The following GASK1B variants were observed in gnomAD, a reference collection of about 807,000 sequenced individuals.
GASK1B encodes golgi associated kinase 1B, also known as Golgi-associated kinase 1B.
Under a neutral mutation model 42.8 loss-of-function variants are expected in GASK1B, and 34 were observed. The observed-to-expected ratio is 0.79, with a 90% CI of 0.60 to 1.06. GASK1B has a LOEUF of 1.06. Ranked by LOEUF, GASK1B falls within the 50% of genes least tolerant of loss-of-function variation. The pLI is 0.00. For missense variants in GASK1B, 686 were observed against 661.0 expected, an observed-to-expected ratio of 1.04 and a Z score of -0.42; for synonymous variants, 262 against 259.1, an observed-to-expected ratio of 1.01 and a Z score of -0.11.
At chr4:158,169,129 C>T (rs973382460) in intron 2 of GASK1B, 5 of 152,070 alleles carry the variant, frequency 3.3e-5, no homozygotes, top group African/African-American at 4.8e-5. Flanking sequence ...AATAATAGTC[C>T]CCACTTCATA....
chr4:158,138,128 G>A (rs544877524), intron 3 of GASK1B, among the ~76,000 whole-genome samples: 5 of 152,224 alleles, frequency 3.3e-5, no homozygotes, highest in African/African-American at 4.8e-5. Flanking sequence ...CATTTGGATC[G>A]ATTTCTATAG....
At chr4:158,142,220 A>G (rs1000373475) in intron 3 of GASK1B, among the ~76,000 whole-genome samples, 2 of 151,948 alleles carry the variant, frequency 1.3e-5, no homozygotes, top group Non-Finnish European at 2.9e-5. Context: ...CTGGGATTAC[A>G]GGCGTGAGCC....
intron 3 of GASK1B, among the ~76,000 whole-genome samples, chr4:158,132,097 AC>A (rs1730706568): frequency 6.6e-6 from 1 of 152,192 alleles, no homozygotes; most frequent in African/African-American, 2.4e-5. Flanking sequence ...ACATTAAGTA[AC>A]CTGCCCTGGG....
At chr4:158,153,262 A>G (rs1193982967) in intron 3 of GASK1B, among the ~76,000 whole-genome samples, 1 of 152,138 alleles carries the variant, frequency 6.6e-6, no homozygotes. Context: ...GCTGCAAAAA[A>G]TAAAATAAAA....
chr4:158,131,971 C>T (rs1337313583), intron 3 of GASK1B, among the ~76,000 whole-genome samples: 6 of 152,176 alleles, frequency 3.9e-5, no homozygotes, highest in African/African-American at 1.4e-4. Flanking sequence ...ATGAAAACTA[C>T]TGTTACTCTT....
Position 158,171,476 on chromosome 4 carries a change from G to T in GASK1B, c.-101C>A. The T allele has an allele frequency of 2.2e-6, 3 of 1,334,574 alleles. No homozygotes were observed. The highest frequency in any genetic ancestry group is 3.0e-6 in the Non-Finnish European group (3 of 1,000,062). 82.7% of individuals were successfully genotyped at this position (1,334,574 alleles called of 1,614,324 possible). On this transcript the variant is annotated 5_prime_UTR_variant, in exon 2 of 5. Transcript: ENST00000585682. The stretch of plus-strand genomic sequence containing the variant: ...TGACTTCAGCTGCCGCGTCCGCTTC[G>T]GGATATAAGTGGTCTCCAGTGGGCA...
intron 3 of GASK1B, among the ~76,000 whole-genome samples, chr4:158,147,612 A>C (rs1392531011): frequency 2.0e-4 from 2 of 9,974 alleles, no homozygotes. Context: ...CTCTGTCCCA[A>C]AAAAAAAAAA....
chr4:158,160,916 A>T (rs979897431), intron 2 of GASK1B, among the ~76,000 whole-genome samples: 3 of 152,162 alleles, frequency 2.0e-5, no homozygotes, highest in Admixed American at 2.0e-4. Flanking sequence ...AGTTGAGCTC[A>T]AAAGTAGAGA....
In GASK1B at chr4:158,127,509, T is replaced by A. The variant is rs376536173; in HGVS notation, c.1458A>T (p.Arg486Ser). 6.2e-7 allele frequency: 1 copy of A among 1,613,718 alleles called. No homozygotes were observed. The highest frequency in any genetic ancestry group is 1.3e-5 in the African/African-American group (1 of 74,916). Residue 486 changes from arginine to serine, a missense_variant, in exon 5 of 5, where the codon AGA becomes AGT. Transcript: ENST00000585682. The stretch of plus-strand genomic sequence containing the variant: ...CATCGATAAGCTTTTCAATTCCTTG[T>A]CTACCTCCTTGACTTTCCCAATACA... ...DKVYWESQGG[R>S]QGIEKLIDVI...
chr4:158,150,657 T>C (rs1731522441), intron 3 of GASK1B, among the ~76,000 whole-genome samples: 2 of 152,202 alleles, frequency 1.3e-5, no homozygotes, highest in South Asian at 4.1e-4. Flanking sequence ...TGAGCTTCAG[T>C]CCTACCTATA....
chr4:158,126,597 T>C lies in GASK1B; in HGVS notation c.*810A>G, dbSNP rs141338366. ...AACAAAATTTTTAAAGAGACATCCATTTTAAAATGATACTCTGTAAGTACA... is the reference window on the plus strand; with the variant it reads ...AACAAAATTTTTAAAGAGACATCCACTTTAAAATGATACTCTGTAAGTACA... On this transcript the variant is annotated 3_prime_UTR_variant, in exon 5 of 5. Transcript: ENST00000585682. 7.5e-4 allele frequency: 114 copies of C among 152,216 alleles called. No individual in the cohort carries two copies. Among genetic ancestry groups the C allele is most frequent in the African/African-American group, 2.5e-3 (104 of 41,562 alleles). The allele number at this position is 152,216 out of a possible 1,614,324, so 9.4% of individuals were successfully genotyped here.
In GASK1B at chr4:158,167,494, A is replaced by G. The variant is rs1476626227; in HGVS notation, c.910+2972T>C. 9.2e-5 allele frequency among the ~76,000 whole-genome samples: 14 copies of G among 152,286 alleles called. No individual in the cohort carries two copies. In the South Asian group the frequency reaches 2.1e-3, roughly 23 times the overall value. Reference sequence around the variant, plus strand: ...ACTAAAAATGTTATTACACGTCCTAAGTATTAGAAGCTGGTGGCTTCCAGT... The same window carrying G: ...ACTAAAAATGTTATTACACGTCCTAGGTATTAGAAGCTGGTGGCTTCCAGT... On this transcript the variant is annotated intron_variant, in intron 2 of 4. Transcript: ENST00000585682.
At position 158,144,665 on chromosome 4, in the gene GASK1B, C is replaced by G. The variant is rs1185014436; in HGVS notation, c.1125+10946G>C. Among the ~76,000 whole-genome samples the G allele has an allele frequency of 3.9e-5, 6 of 152,162 alleles. 1 individual carries two copies. The highest frequency in any genetic ancestry group is 3.9e-4 in the Admixed American group (6 of 15,284). On this transcript the variant is annotated intron_variant, in intron 3 of 4. Coordinates refer to ENST00000585682, the MANE Select transcript of GASK1B (RefSeq NM_001128424.2). The stretch of plus-strand genomic sequence containing the variant: ...AGAAATACATTGTTCTCAAAACCCT[C>G]TGATTCTTGACAGTTTTTGCTTCCT...
At chr4:158,136,805 CAGAG>C (rs765824601) in intron 3 of GASK1B, among the ~76,000 whole-genome samples, 22 of 152,104 alleles carry the variant, frequency 1.4e-4, no homozygotes, top group South Asian at 2.1e-4. Context: ...GAATGCATAT[CAGAG>C]AGAAAGTATA....
chr4:158,139,629 T>G (rs1361014068), intron 3 of GASK1B, among the ~76,000 whole-genome samples: 2 of 152,176 alleles, frequency 1.3e-5, no homozygotes, highest in Non-Finnish European at 2.9e-5. Flanking sequence ...TTGTGGTTAT[T>G]TACCATATTA....
chr4:158,135,950 C>T (rs1730874030), intron 3 of GASK1B, among the ~76,000 whole-genome samples: 1 of 151,930 alleles, frequency 6.6e-6, no homozygotes, highest in Non-Finnish European at 1.5e-5. Flanking sequence ...TCTATGTAGA[C>T]TATTGTTTTG....
chr4:158,135,211 C>T (rs1027952201), intron 3 of GASK1B, among the ~76,000 whole-genome samples: 8 of 150,462 alleles, frequency 5.3e-5, no homozygotes, highest in African/African-American at 2.0e-4. Context: ...ATCCCAGCTA[C>T]TCAGGAGGCT....
intron 4 of GASK1B, among the ~76,000 whole-genome samples, chr4:158,128,758 G>A (rs1369639046): frequency 6.6e-6 from 1 of 152,178 alleles, no homozygotes; most frequent in Non-Finnish European, 1.5e-5. Context: ...CCACGGCGCC[G>A]GACTTGCTTA....
intron 2 of GASK1B, among the ~76,000 whole-genome samples, chr4:158,160,781 A>T (rs1731945208): frequency 6.6e-6 from 1 of 152,172 alleles, no homozygotes; most frequent in Non-Finnish European, 1.5e-5. Context: ...TCACCCTTTA[A>T]AAAGGGAGAA....
Sources: allele counts gnomAD v4.1 joint callset (sites outside exome capture counted in the v4.1 genomes callset), GRCh38; gene constraint gnomAD v4.1.1; transcripts MANE v1.5; gene names NCBI Gene and HGNC (gene_info 2026-07-23, HGNC 2026-07-21).